The following CNIH3 variants were observed in gnomAD, a reference collection of about 807,000 sequenced individuals.
CNIH3 encodes cornichon family AMPA receptor auxiliary protein 3.
CNIH3 carries 14 observed loss-of-function variants against 24.1 expected under a neutral mutation model. That is an observed-to-expected ratio of 0.58 (90% confidence interval 0.38 to 0.91). CNIH3 has a LOEUF of 0.91. Among genes scored for constraint, CNIH3 ranks in the 40% least tolerant of loss-of-function variants. CNIH3 has a pLI of 0.00. For synonymous variants in CNIH3, 68 were observed against 73.8 expected (o/e 0.92, Z 0.40); for missense variants, 178 against 196.8 (o/e 0.90, Z 0.57).
chr1:224,675,467 T>C (rs1373784257), intron 1 of CNIH3, among the ~76,000 whole-genome samples: 2 of 152,106 alleles, frequency 1.3e-5, no homozygotes, highest in Non-Finnish European at 2.9e-5. Context: ...AACTGATAAA[T>C]GGGATAAACT....
chr1:224,713,465 A>G (rs917756521), intron 3 of CNIH3, among the ~76,000 whole-genome samples: 4 of 152,196 alleles, frequency 2.6e-5, no homozygotes, highest in African/African-American at 9.7e-5. Flanking sequence ...TCAGGGCTGC[A>G]GTCCTGTTTG....
rs1490663550 is a variant in CNIH3 at position 224,597,170 on chromosome 1, CAAACA to C, written n.402+30910_402+30914del. Among the ~76,000 whole-genome samples the C allele has an allele frequency of 6.3e-5, 8 of 126,514 alleles. No homozygotes were observed. The East Asian group carries it at 1.8e-3, about 28-fold the overall frequency. The allele number at this position is 126,514 out of a possible 152,430, so 83.0% of individuals were successfully genotyped here. A position where few individuals can be genotyped will look rare whatever the true frequency, so the allele number is the denominator to read the frequency against. On this transcript the variant is annotated intron_variant and non_coding_transcript_variant, in intron 3 of 7. Transcript: ENST00000478120. ...TCTGTCTCAAAAACAAACAAACAAA[CAAACA>C]AAAAAAAAAACAAAAACCAAACCAA...
intron 3 of CNIH3, among the ~76,000 whole-genome samples, chr1:224,716,443 T>G (rs187093431): frequency 2.2e-4 from 33 of 152,324 alleles, no homozygotes; most frequent in African/African-American, 7.7e-4. Flanking sequence ...ATATAATAAA[T>G]GCTGAATGAG....
intron 3 of CNIH3, among the ~76,000 whole-genome samples, chr1:224,716,465 A>C (rs1572795366): frequency 6.6e-6 from 1 of 152,204 alleles, no homozygotes; most frequent in East Asian, 1.9e-4. Context: ...GAATAAACAC[A>C]TGTCCTGCAT....
intron 1 of CNIH3, among the ~76,000 whole-genome samples, chr1:224,636,832 G>A (rs572395509): frequency 6.6e-6 from 1 of 152,240 alleles, no homozygotes; most frequent in East Asian, 1.9e-4. Flanking sequence ...ATATTGCTTA[G>A]CCCTGAGGAA....
At position 224,598,564 on chromosome 1, in the gene CNIH3, G is replaced by A. The variant is rs1037874479; in HGVS notation, n.402+32300G>A. 2.9e-4 allele frequency among the ~76,000 whole-genome samples: 44 copies of A among 152,264 alleles called. 1 individual carries two copies. Among genetic ancestry groups the A allele is most frequent in the South Asian group, 2.1e-4 (1 of 4,822 alleles). ...TGCATGCTACAGAGAGATCTTTCACGAAAGGAAGAGTCAACTGAGGTGGCA... is the reference window on the plus strand; with the variant it reads ...TGCATGCTACAGAGAGATCTTTCACAAAAGGAAGAGTCAACTGAGGTGGCA... On this transcript the variant is annotated intron_variant and non_coding_transcript_variant, in intron 3 of 7. Transcript: ENST00000478120.
chr1:224,552,086 A>T (rs2124967891), intron 3 of CNIH3, among the ~76,000 whole-genome samples: 1 of 151,452 alleles, frequency 6.6e-6, no homozygotes, highest in Non-Finnish European at 1.5e-5. Flanking sequence ...GTGAACACAC[A>T]TGGAGAACAC....
chr1:224,552,880 T>A (rs1230969782), intron 3 of CNIH3, among the ~76,000 whole-genome samples: 1 of 151,366 alleles, frequency 6.6e-6, no homozygotes, highest in Non-Finnish European at 1.5e-5. Flanking sequence ...ATCATCTCCC[T>A]TAGATATTAT....
chr1:224,614,952 T>TAAATAAAC (rs1682879517), upstream of CNIH3, among the ~76,000 whole-genome samples: 1 of 143,096 alleles, frequency 7.0e-6, no homozygotes, highest in Non-Finnish European at 1.5e-5. Context: ...AATAAATAAA[T>TAAATAAAC]AAATAAATAA....
At chr1:224,506,494 G>T (rs1055097963) in intron 1 of CNIH3, among the ~76,000 whole-genome samples, 4 of 152,196 alleles carry the variant, frequency 2.6e-5, no homozygotes, top group Admixed American at 2.0e-4. Context: ...GGCAGTCCCC[G>T]CTGCTCAGTG....
In CNIH3 at chr1:224,500,899, G is replaced by A. The variant is rs1024765084; in HGVS notation, n.204-14842G>A. Among the ~76,000 whole-genome samples the A allele has an allele frequency of 7.9e-5, 12 of 152,180 alleles. No homozygotes were observed. The East Asian group carries it at 2.3e-3, about 29-fold the overall frequency. On this transcript the variant is annotated intron_variant and non_coding_transcript_variant, in intron 1 of 5. Transcript: ENST00000471578. ...TGAGGCTGCTAGGATGGAAGAAGGG[G>A]GGCTGGAACCCGAGGAAGCAGCCGG...
rs1683037904 is a variant in CNIH3 at position 224,617,057 on chromosome 1, C to T, written c.-118C>T. 6.7e-7 allele frequency: 1 copy of T among 1,488,504 alleles called. No homozygotes were observed. Among genetic ancestry groups the T allele is most frequent in the Non-Finnish European group, 8.9e-7 (1 of 1,126,454 alleles). The allele number at this position is 1,488,504 out of a possible 1,614,324, so 92.2% of individuals were successfully genotyped here. A position where few individuals can be genotyped will look rare whatever the true frequency, so the allele number is the denominator to read the frequency against. On this transcript the variant is annotated 5_prime_UTR_variant, in exon 1 of 6. Coordinates refer to ENST00000272133, the MANE Select transcript of CNIH3 (RefSeq NM_152495.2). Reference sequence around the variant, plus strand: ...TTCGCTAGCTGTGCGCCCTCCTGGGCACTAGCCTGGAGAGGAGCGTGCAGA... The same window carrying T: ...TTCGCTAGCTGTGCGCCCTCCTGGGTACTAGCCTGGAGAGGAGCGTGCAGA...
At chr1:224,681,522 C>G (rs1686403989) in intron 2 of CNIH3, among the ~76,000 whole-genome samples, 1 of 152,186 alleles carries the variant, frequency 6.6e-6, no homozygotes, top group Non-Finnish European at 1.5e-5. Context: ...CAGCTCACCT[C>G]TGCCTGGAGG....
chr1:224,620,717 T>C (rs1342491341), intron 1 of CNIH3, among the ~76,000 whole-genome samples: 1 of 152,174 alleles, frequency 6.6e-6, no homozygotes, highest in Non-Finnish European at 1.5e-5. Context: ...AAATTGCATA[T>C]GGCCGGGCTC....
chr1:224,517,983 C>G (rs1447069971), intron 1 of CNIH3, among the ~76,000 whole-genome samples: 1 of 152,056 alleles, frequency 6.6e-6, no homozygotes, highest in Non-Finnish European at 1.5e-5. Flanking sequence ...CTTGATAAAC[C>G]GAGCGATCCT....
rs112574681 is a variant in CNIH3, at chr1:224,531,916, C to A, written n.344-5020C>A. Among the ~76,000 whole-genome samples, 127 of 152,268 alleles carry A rather than the reference C, an allele frequency of 8.3e-4. 1 individual carries two copies. The highest frequency in any genetic ancestry group is 2.9e-3 in the African/African-American group (122 of 41,542). ...AGAAGGCATTCATTCACTCTATAAACATTTATTGCTCCTGACTGCTGGTGT... is the reference window on the plus strand; with the variant it reads ...AGAAGGCATTCATTCACTCTATAAAAATTTATTGCTCCTGACTGCTGGTGT... On this transcript the variant is annotated intron_variant and non_coding_transcript_variant, in intron 2 of 2. Transcript: ENST00000470602.
At chr1:224,577,715 G>A (rs960134339) in intron 4 of CNIH3, among the ~76,000 whole-genome samples, 1 of 151,996 alleles carries the variant, frequency 6.6e-6, no homozygotes, top group Non-Finnish European at 1.5e-5. Context: ...CCCACTACTG[G>A]GTATCTACCC....
intron 1 of CNIH3, among the ~76,000 whole-genome samples, chr1:224,673,801 G>C (rs1488404423): frequency 6.9e-6 from 1 of 144,838 alleles, no homozygotes; most frequent in Non-Finnish European, 1.5e-5. Context: ...TGGGTATCTA[G>C]TCAGTATTTT....
intron 3 of CNIH3, among the ~76,000 whole-genome samples, chr1:224,607,104 T>G (rs1349510344): frequency 6.6e-6 from 1 of 152,246 alleles, no homozygotes; most frequent in African/African-American, 2.4e-5. Context: ...AGTGCCATCT[T>G]AGGTATACAA....
Sources: allele counts gnomAD v4.1 joint callset (sites outside exome capture counted in the v4.1 genomes callset), GRCh38; gene constraint gnomAD v4.1.1; transcripts MANE v1.5; gene names NCBI Gene and HGNC (gene_info 2026-07-23, HGNC 2026-07-21).